Variants in EXOC4 observed in about 807,000 individuals in gnomAD.
EXOC4 encodes SEC8-like 1.
In EXOC4, 71 loss-of-function variants were observed where a neutral mutation model predicts 107.2. The observed-to-expected ratio is 0.66, with a 90% CI of 0.55 to 0.81. EXOC4 has a LOEUF of 0.81. Ranked by LOEUF, EXOC4 falls within the 30% of genes least tolerant of loss-of-function variation. EXOC4 has a pLI of 0.00. For missense variants in EXOC4, 1,108 were observed against 1,189.6 expected (o/e 0.93, Z 1.01); for synonymous variants, 456 against 441.2 (o/e 1.03, Z -0.42).
At chr7:133,483,992 G>A (rs1031839976) in intron 9 of EXOC4, 3 of 1,607,918 alleles carry the variant, frequency 1.9e-6, no homozygotes, top group Non-Finnish European at 2.6e-6. Flanking sequence ...GGCAGGCTTT[G>A]CTTCCCAGTA....
intron 9 of EXOC4, among the ~76,000 whole-genome samples, chr7:133,536,814 T>C (rs1800278722): frequency 6.6e-6 from 1 of 152,076 alleles, no homozygotes; most frequent in Non-Finnish European, 1.5e-5. Context: ...CTTGAACTCT[T>C]ACTATTGTAT....
chr7:133,278,823 TTTAC>T (rs1054676430), intron 2 of EXOC4, among the ~76,000 whole-genome samples: 1 of 151,994 alleles, frequency 6.6e-6, no homozygotes, highest in Non-Finnish European at 1.5e-5. Flanking sequence ...ACATCTTTTT[TTTAC>T]TATTATTATA....
At chr7:133,314,611 G>A (rs1042882926) in intron 4 of EXOC4, among the ~76,000 whole-genome samples, 2 of 152,122 alleles carry the variant, frequency 1.3e-5, no homozygotes, top group African/African-American at 4.8e-5. Context: ...AATAATTGTA[G>A]GATTTAATCT....
rs62469966 is a variant in EXOC4, at chr7:133,506,651, C to T, written c.1417+26513C>T. Among the ~76,000 whole-genome samples the T allele has an allele frequency of 4.8e-3, 730 of 152,158 alleles. 3 individuals carry two copies. Among genetic ancestry groups the T allele is most frequent in the Middle Eastern group, 0.014 (4 of 294 alleles). On this transcript the variant is annotated intron_variant, in intron 9 of 17. Transcript: ENST00000253861. ...TTTGATAGACTACCAAATTACTTCC[C>T]GAACAGTGTTTCCTAGTTTATACTT... is the stretch of plus-strand genomic sequence containing the variant.
In EXOC4 at chr7:133,997,525, C is replaced by T. The variant is rs371580481; in HGVS notation, c.2240C>T (p.Thr747Met). The change falls in exon 15 of 18, where the codon ACG becomes ATG. Residue 747 changes from threonine to methionine, a missense_variant. By Grantham distance (81) the Thr-to-Met change is moderately conservative. Transcript: ENST00000253861. ...CCTGCTCAAGACAGCCACACGAACA[C>T]GGATCTCCCCCCAGTGTCAGAGCAG... Reference protein sequence around the residue: ...LSPAQDSHTNTDLPPVSEQIM... With the variant: ...LSPAQDSHTNMDLPPVSEQIM... The T allele has an allele frequency of 1.7e-5, 28 of 1,613,624 alleles. No homozygotes were observed. Among genetic ancestry groups the T allele is most frequent in the African/African-American group, 1.2e-4 (9 of 74,884 alleles).
chr7:133,689,730 A>G (rs1794380244), intron 10 of EXOC4, among the ~76,000 whole-genome samples: 2 of 152,212 alleles, frequency 1.3e-5, no homozygotes, highest in African/African-American at 4.8e-5. Flanking sequence ...GGAGCCAAGG[A>G]CAGAACCCAA....
At chr7:133,430,521 G>T (rs1200614670) in intron 7 of EXOC4, among the ~76,000 whole-genome samples, 2 of 152,046 alleles carry the variant, frequency 1.3e-5, no homozygotes, top group Non-Finnish European at 2.9e-5. Context: ...TCATCAGTTG[G>T]TGGACATCTG....
chr7:133,975,541 T>C (rs1192575474), intron 14 of EXOC4, among the ~76,000 whole-genome samples: 2 of 152,116 alleles, frequency 1.3e-5, no homozygotes, highest in Non-Finnish European at 2.9e-5. Context: ...TAGCTAGATG[T>C]TTAGTTTTAA....
Position 133,917,680 on chromosome 7 carries a change from A to T in EXOC4, c.1969A>T (p.Asn657Tyr). ...RLLKSLPNWM[N>Y]MAQPKQLRPK... Reference sequence around the variant, plus strand: ...CTTGAAATCTCTACCAAACTGGATGAATATGGCTCAACCCAAACAGCTGAG... The same window carrying T: ...CTTGAAATCTCTACCAAACTGGATGTATATGGCTCAACCCAAACAGCTGAG... Residue 657 changes from asparagine to tyrosine, a missense_variant, in exon 13 of 18, where the codon AAT becomes TAT. Transcript: ENST00000253861. The T allele has an allele frequency of 6.2e-7, 1 of 1,614,142 alleles. No individual in the cohort carries two copies. The highest frequency in any genetic ancestry group is 8.5e-7 in the Non-Finnish European group (1 of 1,180,016).
intron 11 of EXOC4, among the ~76,000 whole-genome samples, chr7:133,823,870 TA>T (rs1797610468): frequency 3.2e-4 from 4 of 12,310 alleles, no homozygotes; most frequent in East Asian, 1.7e-3. Context: ...TATATATATA[TA>T]TTATATATAT....
At chr7:133,743,664 T>C (rs1795615450) in intron 10 of EXOC4, among the ~76,000 whole-genome samples, 1 of 150,452 alleles carries the variant, frequency 6.6e-6, no homozygotes, top group African/African-American at 2.5e-5. Context: ...AACCCCCCCA[T>C]GGTTGCCATT....
chr7:133,274,700 T>C (rs1293369549), intron 1 of EXOC4, among the ~76,000 whole-genome samples: 3 of 152,228 alleles, frequency 2.0e-5, no homozygotes, highest in Non-Finnish European at 2.9e-5. Context: ...ACCCAGTCTC[T>C]TGAACAGTTC....
At position 133,476,843 on chromosome 7, in the gene EXOC4, G is replaced by A. The variant is rs1799025833; in HGVS notation, c.1328+1370G>A. Among the ~76,000 whole-genome samples the A allele has an allele frequency of 2.0e-5, 3 of 152,264 alleles. No individual in the cohort carries two copies. The South Asian group carries it at 6.2e-4, about 32-fold the overall frequency. On this transcript the variant is annotated intron_variant, in intron 8 of 17. Coordinates refer to ENST00000253861, the MANE Select transcript of EXOC4 (RefSeq NM_021807.4). ...TAATTCAACTGTACAATATCATAAA[G>A]GACTCAGCCCTTTCCATCTCTCTGC...
intron 6 of EXOC4, among the ~76,000 whole-genome samples, chr7:133,366,893 T>C (rs1199802624): frequency 1.3e-5 from 2 of 152,076 alleles, no homozygotes; most frequent in African/African-American, 2.4e-5. Flanking sequence ...GTTTTAATAA[T>C]CCTGGCAAAA....
intron 10 of EXOC4, among the ~76,000 whole-genome samples, chr7:133,646,214 T>G (rs970525833): frequency 5.3e-5 from 8 of 152,224 alleles, no homozygotes; most frequent in African/African-American, 1.9e-4. Context: ...CCTTATATTT[T>G]TTCTTCTTTC....
chr7:133,972,541 CAAACTT>C (rs1801267300), intron 14 of EXOC4, among the ~76,000 whole-genome samples: 1 of 152,036 alleles, frequency 6.6e-6, no homozygotes, highest in Non-Finnish European at 1.5e-5. Context: ...GACATTATAA[CAAACTT>C]AAAATATCAG....
intron 14 of EXOC4, among the ~76,000 whole-genome samples, chr7:133,995,157 A>G (rs1052477091): frequency 6.6e-6 from 1 of 152,250 alleles, no homozygotes; most frequent in Non-Finnish European, 1.5e-5. Context: ...TAATCTTGCC[A>G]TAGACTTACT....
At chr7:134,023,520 T>C (rs1396999068) in intron 17 of EXOC4, among the ~76,000 whole-genome samples, 1 of 152,200 alleles carries the variant, frequency 6.6e-6, no homozygotes, top group African/African-American at 2.4e-5. Flanking sequence ...CATTGTCTTA[T>C]TTAATCCTTA....
In EXOC4 at chr7:133,917,734, A is replaced by G. The variant is rs1460029506; in HGVS notation, c.2023A>G (p.Ile675Val). 4 of 1,614,078 alleles carry G rather than the reference A, an allele frequency of 2.5e-6. No homozygotes were observed. Among genetic ancestry groups the G allele is most frequent in the South Asian group, 1.1e-5 (1 of 91,028 alleles). ...AAAAAGAGAGGAGGAAGAAGATTTC[A>G]TAAGGTAAAAGGTCCATTTTCTAAG... The part of the protein sequence containing the change: ...RPKREEEEDF[I>V]RAAFGKESEV... The change falls in exon 13 of 18, where the codon ATA (isoleucine) becomes GTA (valine). Residue 675 changes from isoleucine to valine, a missense_variant. Coordinates refer to ENST00000253861, the MANE Select transcript of EXOC4 (RefSeq NM_021807.4).
Sources: allele counts gnomAD v4.1 joint callset (sites outside exome capture counted in the v4.1 genomes callset), GRCh38; gene constraint gnomAD v4.1.1; transcripts MANE v1.5; gene names NCBI Gene and HGNC (gene_info 2026-07-23, HGNC 2026-07-21).